The following COL21A1 variants were observed in gnomAD, a reference collection of about 807,000 sequenced individuals.
COL21A1 encodes the protein collagen type XXI alpha 1 chain.
A neutral mutation model predicts 137.9 loss-of-function variants in COL21A1; 149 were observed. The observed-to-expected ratio is 1.08, with a 90% CI of 0.95 to 1.24. The LOEUF (loss-of-function observed/expected upper bound fraction) is 1.24, where lower values mean the gene tolerates loss of function less well. Among genes scored for constraint, COL21A1 ranks in the 50% most tolerant of loss-of-function variants. The pLI is 0.00. For missense variants in COL21A1, 1,167 were observed against 1,158.4 expected (o/e 1.01, Z -0.11); for synonymous variants, 456 against 391.5 (o/e 1.16, Z -1.95).
intron 17 of COL21A1, among the ~76,000 whole-genome samples, chr6:56,098,658 T>TATATATATATAAATATATATAA (rs1770080512): frequency 4.8e-5 from 1 of 20,760 alleles, no homozygotes. Context: ...AATATATAAA[T>TATATATATATAAATATATATAA]ATATATAAAT....
intron 2 of COL21A1, among the ~76,000 whole-genome samples, chr6:56,181,385 G>GT (rs1410795556): frequency 1.3e-5 from 2 of 148,266 alleles, no homozygotes; most frequent in African/African-American, 5.1e-5. Flanking sequence ...TGCTTTTATT[G>GT]TTTTTTGTTT....
chr6:56,158,875 AG>A (rs1228751216), intron 9 of COL21A1, among the ~76,000 whole-genome samples: 1 of 152,182 alleles, frequency 6.6e-6, no homozygotes, highest in Non-Finnish European at 1.5e-5. Flanking sequence ...CGTAAATCCA[AG>A]GGGGGAAAAT....
At chr6:56,338,481 C>A (rs1007020073) in intron 1 of COL21A1, among the ~76,000 whole-genome samples, 1 of 152,170 alleles carries the variant, frequency 6.6e-6, no homozygotes, top group African/African-American at 2.4e-5. Flanking sequence ...TGGCCATCTA[C>A]CCCTCAGCAT....
At chr6:56,296,246 T>C (rs1764161199) in intron 1 of COL21A1, among the ~76,000 whole-genome samples, 1 of 151,954 alleles carries the variant, frequency 6.6e-6, no homozygotes, top group African/African-American at 2.4e-5. Context: ...TAACAACATA[T>C]CCAATATATA....
intron 1 of COL21A1, among the ~76,000 whole-genome samples, chr6:56,383,290 C>A (rs1581795867): frequency 1.3e-5 from 2 of 152,262 alleles, no homozygotes; most frequent in African/African-American, 4.8e-5. Flanking sequence ...GCATTAATCA[C>A]ATTTATAAGG....
rs534085345 is a variant in COL21A1 at position 56,088,569 on chromosome 6, AC to A, written c.1813-10997del. 3.7e-4 allele frequency among the ~76,000 whole-genome samples: 57 copies of A among 152,196 alleles called. 2 individuals are homozygous for A. In the South Asian group the frequency reaches 0.011, roughly 30 times the overall value. On this transcript the variant is annotated intron_variant, in intron 17 of 29. Coordinates refer to ENST00000244728, the MANE Select transcript of COL21A1 (RefSeq NM_030820.4). The stretch of plus-strand genomic sequence containing the variant: ...TTTTCTTTTTTTTACAATGGTCCTT[AC>A]ACTGTATTATCTCAAAATGGTGGGC...
chr6:56,221,965 A>G (rs1382214731), intron 1 of COL21A1, among the ~76,000 whole-genome samples: 1 of 152,106 alleles, frequency 6.6e-6, no homozygotes, highest in Admixed American at 6.6e-5. Flanking sequence ...CATGAACTAT[A>G]GAGTCCATTT....
chr6:56,253,387 C>G (rs990637071), intron 1 of COL21A1, among the ~76,000 whole-genome samples: 2 of 152,160 alleles, frequency 1.3e-5, no homozygotes, highest in Non-Finnish European at 2.9e-5. Flanking sequence ...AGTTAGAGGT[C>G]TCTCCAGGAC....
chr6:56,249,705 T>C (rs1031625534), upstream of COL21A1, among the ~76,000 whole-genome samples: 1 of 152,174 alleles, frequency 6.6e-6, no homozygotes, highest in Non-Finnish European at 1.5e-5. Flanking sequence ...ATACCTATAA[T>C]ACATGAAGTG....
In COL21A1 at chr6:56,116,136, C is replaced by CT. The variant is rs530352006; in HGVS notation, c.1758+7925dup. Among the ~76,000 whole-genome samples the CT allele has an allele frequency of 2.1e-4, 32 of 151,844 alleles. No individual in the cohort carries two copies. In the East Asian group the frequency reaches 6.0e-3, roughly 28 times the overall value. On this transcript the variant is annotated intron_variant, in intron 16 of 29. Coordinates refer to ENST00000244728, the MANE Select transcript of COL21A1 (RefSeq NM_030820.4). The stretch of plus-strand genomic sequence containing the variant: ...AGGGTTAACAGAGAACTTCCCAAAC[C>CT]TAGAGAAAGATATCAATATCCAAGT...
In COL21A1 at chr6:56,213,437, C is replaced by G. The variant is rs1014870245; in HGVS notation, c.-38-30781G>C. 2.0e-5 allele frequency among the ~76,000 whole-genome samples: 3 copies of G among 152,032 alleles called. No homozygotes were observed. The East Asian group carries it at 5.8e-4, about 29-fold the overall frequency. On this transcript the variant is annotated intron_variant, in intron 1 of 29. Transcript: ENST00000244728. ...TCTCTCCAACTAGCAAGTGTACTTG[C>G]CAATGCTGGGCTGGTATTCAAACCT...
Position 56,057,827 on chromosome 6 carries a change from C to A in COL21A1, c.2704G>T (p.Gly902Ter). Reference protein sequence around the residue: ...PGPPGPEGPPGISKEGPPGDP... With the variant: ...PGPPGPEGPP ...CCTGGAGGACCTTCTTTGCTTATTC[C>A]AGGAGGGCCCTCTGGACCTAAGATG... The change falls in exon 30 of 30, where the codon GGA (glycine) becomes TGA (stop). Residue 902 changes from glycine to a stop codon, truncating the protein, a stop_gained. Coordinates refer to ENST00000244728, the MANE Select transcript of COL21A1 (RefSeq NM_030820.4). LOFTEE classifies it high-confidence loss of function. 6.4e-7 allele frequency: 1 copy of A among 1,566,246 alleles called. No homozygotes were observed. The highest frequency in any genetic ancestry group is 2.3e-5 in the East Asian group (1 of 42,980).
chr6:56,087,422 A>G (rs1768371185), intron 17 of COL21A1, among the ~76,000 whole-genome samples: 1 of 152,182 alleles, frequency 6.6e-6, no homozygotes, highest in Non-Finnish European at 1.5e-5. Context: ...TAGACCATTC[A>G]GATGTCTTCA....
chr6:56,230,704 AC>A (rs550522841), intron 1 of COL21A1, among the ~76,000 whole-genome samples: 141 of 152,014 alleles, frequency 9.3e-4, no homozygotes, highest in African/African-American at 3.3e-3. Context: ...CTAACTCCTT[AC>A]CACATGCTTA....
intron 1 of COL21A1, among the ~76,000 whole-genome samples, chr6:56,296,438 G>A (rs1764165466): frequency 6.6e-6 from 1 of 151,880 alleles, no homozygotes. Flanking sequence ...TTAAAATTTG[G>A]TCCATGATAC....
intron 1 of COL21A1, among the ~76,000 whole-genome samples, chr6:56,342,166 T>G (rs909362947): frequency 6.6e-6 from 1 of 152,082 alleles, no homozygotes; most frequent in African/African-American, 2.4e-5. Flanking sequence ...AAATAAAAAC[T>G]TCAGAAAAGG....
intron 12 of COL21A1, among the ~76,000 whole-genome samples, chr6:56,132,781 T>C (rs1773663746): frequency 6.6e-6 from 1 of 152,122 alleles, no homozygotes; most frequent in African/African-American, 2.4e-5. Context: ...GTCTTTCACG[T>C]GCTGCTCTCA....
chr6:56,139,042 G>A (rs1774207524), intron 12 of COL21A1, among the ~76,000 whole-genome samples: 1 of 152,122 alleles, frequency 6.6e-6, no homozygotes, highest in African/African-American at 2.4e-5. Context: ...AGGAGGAAAG[G>A]CAGAATATAG....
At chr6:56,098,048 T>C (rs1480867446) in intron 17 of COL21A1, among the ~76,000 whole-genome samples, 2 of 48,976 alleles carry the variant, frequency 4.1e-5, no homozygotes, top group African/African-American at 2.0e-4. Context: ...TATAAATATA[T>C]ATAAATATAT....
Sources: gnomAD v4.1 joint callset for allele counts (sites outside exome capture counted in the v4.1 genomes callset) on GRCh38, gnomAD v4.1.1 for gene constraint, MANE v1.5 for transcripts, NCBI Gene and HGNC (gene_info 2026-07-23, HGNC 2026-07-21) for gene names.